LRRC28: variants seen among roughly 807,000 people sequenced by gnomAD.
The protein encoded by LRRC28 is leucine rich repeat containing 28.
In LRRC28, 39 loss-of-function variants were observed where a neutral mutation model predicts 45.7. The ratio of observed to expected loss-of-function variants is 0.85; its 90% CI spans 0.66 to 1.12. LRRC28 has a LOEUF of 1.12. Ranked by LOEUF, LRRC28 falls within the 50% of genes most tolerant of loss-of-function variation. LRRC28 has a pLI of 0.00. For synonymous variants in LRRC28, 206 were observed against 178.8 expected (o/e 1.15, Z -1.22); for missense variants, 435 against 438.5 (o/e 0.99, Z 0.07).
At chr15:99,344,033 GTGCCAACTAAAACAGCAGAGCTGCC>G in intron 6 of LRRC28, among the ~76,000 whole-genome samples, 1 of 152,240 alleles carries the variant, frequency 6.6e-6, no homozygotes, top group Admixed American at 6.5e-5. Flanking sequence ...AGGCTGTGCT[GTGCCAACTAAAACAGCAGAGCTGCC>G]TGGTTCTCTT....
intron 5 of LRRC28, among the ~76,000 whole-genome samples, chr15:99,300,641 A>G (rs1045715189): frequency 6.6e-6 from 1 of 152,122 alleles, no homozygotes; most frequent in African/African-American, 2.4e-5. Flanking sequence ...AGCCTGGCCA[A>G]CATGGTGAAC....
chr15:99,253,844 T>G (rs1428621950), intron 1 of LRRC28, among the ~76,000 whole-genome samples: 1 of 152,106 alleles, frequency 6.6e-6, no homozygotes, highest in African/African-American at 2.4e-5. Flanking sequence ...ATTTGAGATG[T>G]ATTTGGGAGA....
chr15:99,372,191 A>G (rs1957503093), intron 9 of LRRC28, among the ~76,000 whole-genome samples: 1 of 152,160 alleles, frequency 6.6e-6, no homozygotes, highest in Admixed American at 6.5e-5. Context: ...AAAATCGCAC[A>G]TTTCTTATGA....
chr15:99,350,093 G>A (rs553582819), intron 6 of LRRC28, among the ~76,000 whole-genome samples: 6 of 145,312 alleles, frequency 4.1e-5, no homozygotes, highest in Admixed American at 7.1e-5. Flanking sequence ...CTGAGATTGC[G>A]CCACTGCAGT....
chr15:99,309,348 G>A (rs1005949436), intron 5 of LRRC28, among the ~76,000 whole-genome samples: 3 of 152,068 alleles, frequency 2.0e-5, no homozygotes, highest in African/African-American at 7.2e-5. Context: ...TTCTACCCCA[G>A]TTTAGTTGAT....
At chr15:99,271,013 C>T (rs1175203951) in intron 2 of LRRC28, among the ~76,000 whole-genome samples, 1 of 152,142 alleles carries the variant, frequency 6.6e-6, no homozygotes, top group Non-Finnish European at 1.5e-5. Context: ...TTCCCTAATG[C>T]TAATGATGTT....
chr15:99,372,976 T>C (rs920361418), intron 9 of LRRC28, among the ~76,000 whole-genome samples: 10 of 152,112 alleles, frequency 6.6e-5, no homozygotes, highest in Admixed American at 5.2e-4. Flanking sequence ...TCAGATCTCA[T>C]GAGAACTCAC....
intron 9 of LRRC28, among the ~76,000 whole-genome samples, chr15:99,370,376 G>A (rs115480096): frequency 1.5e-3 from 226 of 152,224 alleles, no homozygotes; most frequent in African/African-American, 4.7e-3. Flanking sequence ...GTATGTGTAC[G>A]TATGTACATA....
intron 5 of LRRC28, among the ~76,000 whole-genome samples, chr15:99,305,890 GCATTTCTC>G (rs1350874266): frequency 6.6e-6 from 1 of 152,170 alleles, no homozygotes; most frequent in African/African-American, 2.4e-5. Flanking sequence ...GCATAACTTC[GCATTTCTC>G]CTTCATCACT....
At chr15:99,336,911 C>T (rs1380498714) in intron 6 of LRRC28, among the ~76,000 whole-genome samples, 2 of 152,174 alleles carry the variant, frequency 1.3e-5, no homozygotes, top group Admixed American at 6.5e-5. Context: ...GTGAACCATT[C>T]ATACAACTAC....
intron 3 of LRRC28, chr15:99,284,799 T>C (rs1459006464): frequency 5.6e-6 from 3 of 539,178 alleles, no homozygotes; most frequent in East Asian, 4.9e-5. Flanking sequence ...GTCAAAATCA[T>C]TGTAGCTTCC....
intron 9 of LRRC28, among the ~76,000 whole-genome samples, chr15:99,378,630 G>A (rs564077082): frequency 1.3e-3 from 200 of 152,224 alleles, no homozygotes; most frequent in African/African-American, 3.9e-3. Flanking sequence ...TTTTCAAAGG[G>A]AATGCTTCCA....
At chr15:99,273,234 T>G (rs1047591177) in intron 2 of LRRC28, among the ~76,000 whole-genome samples, 5 of 151,992 alleles carry the variant, frequency 3.3e-5, no homozygotes, top group South Asian at 2.1e-4. Flanking sequence ...GTGTGTTTTT[T>G]TTTGTTTGTT....
In LRRC28 at chr15:99,273,384, T is replaced by C. The variant is rs539760215; in HGVS notation, c.169-3192T>C. Among the ~76,000 whole-genome samples, 62 of 152,084 alleles carry C rather than the reference T, an allele frequency of 4.1e-4. 1 individual carries two copies. Among genetic ancestry groups the C allele is most frequent in the East Asian group, 1.5e-3 (8 of 5,164 alleles). ...CCTGAGTAGCTGGGACTACAGGCAC[T>C]CACCACCACGCCCGGCTAATTTTTT... On this transcript the variant is annotated intron_variant, in intron 2 of 9. Transcript: ENST00000301981.
At chr15:99,373,193 T>G (rs1375243233) in intron 9 of LRRC28, among the ~76,000 whole-genome samples, 6 of 152,170 alleles carry the variant, frequency 3.9e-5, no homozygotes, top group African/African-American at 1.4e-4. Flanking sequence ...TATGAATGAT[T>G]TGCATTTAAC....
chr15:99,261,365 CAA>C (rs2081192862), intron 2 of LRRC28, among the ~76,000 whole-genome samples: 1 of 152,166 alleles, frequency 6.6e-6, no homozygotes. Context: ...GCTGCCATAA[CAA>C]AACACCATAA....
intron 5 of LRRC28, among the ~76,000 whole-genome samples, chr15:99,323,550 T>C (rs936470033): frequency 4.6e-5 from 7 of 152,194 alleles, no homozygotes; most frequent in African/African-American, 1.4e-4. Context: ...TTTAATTTTT[T>C]TAATTGTCCA....
intron 2 of LRRC28, among the ~76,000 whole-genome samples, chr15:99,267,458 T>C (rs930951940): frequency 6.6e-6 from 1 of 152,214 alleles, no homozygotes; most frequent in African/African-American, 2.4e-5. Context: ...AGCAAGGACT[T>C]CTTGTTTTTC....
In LRRC28 at chr15:99,292,807, G is replaced by A. The variant is rs549341431; in HGVS notation, c.385+4856G>A. On this transcript the variant is annotated intron_variant, in intron 5 of 9. Coordinates refer to ENST00000301981, the MANE Select transcript of LRRC28 (RefSeq NM_144598.5). ...ACCTCTATTTCAGTCAGGGATGATA[G>A]CAGCCGAGGATCTCTTGTCTTTGAA... Among the ~76,000 whole-genome samples the A allele has an allele frequency of 9.4e-4, 143 of 152,346 alleles. 2 individuals carry two copies. Among genetic ancestry groups the A allele is most frequent in the Admixed American group, 2.7e-3 (41 of 15,302 alleles).
Sources: gnomAD v4.1 joint callset for allele counts (sites outside exome capture counted in the v4.1 genomes callset) on GRCh38, gnomAD v4.1.1 for gene constraint, MANE v1.5 for transcripts, NCBI Gene and HGNC (gene_info 2026-07-23, HGNC 2026-07-21) for gene names.